GSE1: variants seen among roughly 807,000 people sequenced by gnomAD.
GSE1 encodes the protein genetic suppressor element 1.
A neutral mutation model predicts 112.6 loss-of-function variants in GSE1; 32 were observed. That is an observed-to-expected ratio of 0.28 (90% confidence interval 0.21 to 0.38). The LOEUF (loss-of-function observed/expected upper bound fraction) is 0.38, where lower values mean the gene tolerates loss of function less well. Among genes scored for constraint, GSE1 ranks in the 10% least tolerant of loss-of-function variants. The probability of loss-of-function intolerance (pLI) is 1.00; values close to 1 mark genes in which losing one functional copy is unlikely to be tolerated. For missense variants in GSE1, 2,348 were observed against 1,699.2 expected, an observed-to-expected ratio of 1.38 and a Z score of -6.71; for synonymous variants, 1,115 against 735.6, an observed-to-expected ratio of 1.52 and a Z score of -8.35.
intron 3 of GSE1, among the ~76,000 whole-genome samples, chr16:85,651,129 C>A (rs897445546): frequency 4.3e-5 from 6 of 138,584 alleles, no homozygotes; most frequent in African/African-American, 1.6e-4. Flanking sequence ...CGGCTGCAGC[C>A]GCTGCTCAGA....
chr16:85,228,479 C>A (rs1255117799), intron 1 of GSE1, among the ~76,000 whole-genome samples: 1 of 152,186 alleles, frequency 6.6e-6, no homozygotes, highest in African/African-American at 2.4e-5. Flanking sequence ...GAACCCCCAC[C>A]CTGCTGTGGG....
chr16:85,373,297 T>C lies in GSE1; in HGVS notation c.2464+15654T>C, dbSNP rs1453551849. ...CACGCGCTCTCCCTCCACCCCTTTG[T>C]CTCAAACAGCCAGGCTGTTGGGGTG... On this transcript the variant is annotated intron_variant, in intron 2 of 2. Coordinates refer to the GSE1 transcript ENST00000637419. This position sits in a 1 kb window ranked among gnomAD's most constrained non-coding sequence, Gnocchi z 5.1. 1.3e-5 allele frequency among the ~76,000 whole-genome samples: 2 copies of C among 152,236 alleles called. No homozygotes were observed. Among genetic ancestry groups the C allele is most frequent in the Non-Finnish European group, 2.9e-5 (2 of 68,036 alleles).
intron 1 of GSE1, among the ~76,000 whole-genome samples, chr16:85,214,749 A>G (rs777396292): frequency 4.0e-5 from 6 of 150,830 alleles, no homozygotes; most frequent in Non-Finnish European, 8.9e-5. Context: ...CCTCCTCTGC[A>G]TGGCCTGGTA....
chr16:85,428,751 A>G (rs931642904), intron 2 of GSE1, among the ~76,000 whole-genome samples: 2 of 150,682 alleles, frequency 1.3e-5, no homozygotes, highest in African/African-American at 4.9e-5. Context: ...TTCACCTCCC[A>G]CCCCCCATTC....
chr16:85,182,169 C>T (rs2143313878), intron 1 of GSE1, among the ~76,000 whole-genome samples: 1 of 152,320 alleles, frequency 6.6e-6, no homozygotes, highest in East Asian at 1.9e-4. Context: ...CTCCCCGCCC[C>T]CCGCTGCCAG....
intron 1 of GSE1, among the ~76,000 whole-genome samples, chr16:85,233,262 GTCT>G (rs1233035813): frequency 1.3e-5 from 2 of 152,250 alleles, no homozygotes; most frequent in Admixed American, 1.3e-4. Flanking sequence ...GCATCATTTC[GTCT>G]TCTTAATCAA....
rs368636202 is a variant in GSE1 at position 85,668,330 on chromosome 16, G to A, written c.3321G>A (p.Glu1107=). ...LDRDSEEEEE[E]DDEDGEDEEE... ...GGGACTCGGAGGAGGAGGAAGAGGAGGATGATGAAGATGGAGAAGATGAGG... is the reference window on the plus strand; with the variant it reads ...GGGACTCGGAGGAGGAGGAAGAGGAAGATGATGAAGATGGAGAAGATGAGG... The change falls in exon 14 of 16, where the codon GAG becomes GAA. Residue 1107 remains glutamate (E), a synonymous_variant. Transcript: ENST00000253458. 1.2e-6 allele frequency: 2 copies of A among 1,613,120 alleles called. No homozygotes were observed. The highest frequency in any genetic ancestry group is 1.3e-5 in the African/African-American group (1 of 74,888).
chr16:85,321,137 G>C (rs1019549962), intron 1 of GSE1, among the ~76,000 whole-genome samples: 1 of 152,206 alleles, frequency 6.6e-6, no homozygotes, highest in Admixed American at 6.5e-5. Flanking sequence ...GAAGGACAGG[G>C]ACCTTGTCTG....
upstream of GSE1, chr16:85,555,866 AC>A: frequency 1.8e-5 from 12 of 668,700 alleles, no homozygotes; most frequent in Non-Finnish European, 2.1e-5. Context: ...GAAGATCTTA[AC>A]CCCCCAATTT....
intron 2 of GSE1, among the ~76,000 whole-genome samples, chr16:85,468,918 G>C (rs957415519): frequency 1.3e-5 from 2 of 152,212 alleles, no homozygotes; most frequent in Non-Finnish European, 2.9e-5. Flanking sequence ...TTCTTTGCAG[G>C]TGTAATTAAT....
At chr16:85,457,434 G>A (rs1052402204) in intron 2 of GSE1, among the ~76,000 whole-genome samples, 5 of 152,232 alleles carry the variant, frequency 3.3e-5, no homozygotes, top group Admixed American at 1.3e-4. Flanking sequence ...CCCTGACCTG[G>A]GGCAGGGATA....
chr16:85,274,791 G>C (rs1909193067), intron 1 of GSE1, among the ~76,000 whole-genome samples: 1 of 152,236 alleles, frequency 6.6e-6, no homozygotes, highest in African/African-American at 2.4e-5. Flanking sequence ...CCTGCCCCCA[G>C]CAGCAGGTCA....
intron 1 of GSE1, chr16:85,283,432 G>C (rs555496789): frequency 8.5e-5 from 13 of 152,906 alleles, no homozygotes; most frequent in African/African-American, 3.1e-4. Flanking sequence ...CTTTGGGGCT[G>C]CACACGCACC....
At chr16:85,430,332 G>C (rs901925709) in intron 2 of GSE1, among the ~76,000 whole-genome samples, 2 of 152,176 alleles carry the variant, frequency 1.3e-5, no homozygotes, top group Non-Finnish European at 2.9e-5. Context: ...ATAATGGCCG[G>C]ACACCCAGAC....
rs1555511268 is a variant in GSE1 at position 85,434,345 on chromosome 16, A to ATCATCATCATC, written c.2464+76702_2464+76703insTCATCATCATC. Among the ~76,000 whole-genome samples the ATCATCATCATC allele has an allele frequency of 4.6e-3, 655 of 143,492 alleles. 7 individuals are homozygous for ATCATCATCATC. Among genetic ancestry groups the ATCATCATCATC allele is most frequent in the African/African-American group, 0.015 (610 of 39,390 alleles). The allele number at this position is 143,492 out of a possible 152,430, so 94.1% of individuals were successfully genotyped here. ...TAATAATAATAATAATAATAATAATAATCAGTGCCGTCCGCCTCCTGTATA... is the reference window on the plus strand; with the variant it reads ...TAATAATAATAATAATAATAATAATATCATCATCATCATCAGTGCCGTCCGCCTCCTGTATA... On this transcript the variant is annotated intron_variant, in intron 2 of 2. Transcript: ENST00000637419.
Position 85,675,084 on chromosome 16 carries a change from A to C in GSE1, c.*2545A>C, listed in dbSNP as rs2053610492. On this transcript the variant is annotated 3_prime_UTR_variant, in exon 16 of 16. Transcript: ENST00000253458. ...TTTCATACTTTGAAAACTTACTTTC[A>C]GATTATTCTCAAAGAACACAGTAGC... 6.6e-6 allele frequency: 1 copy of C among 152,296 alleles called. No homozygotes were observed. 9.4% of individuals were successfully genotyped at this position (152,296 alleles called of 1,614,324 possible).
intron 1 of GSE1, among the ~76,000 whole-genome samples, chr16:85,172,958 T>G (rs1250473644): frequency 6.6e-6 from 1 of 152,202 alleles, no homozygotes; most frequent in African/African-American, 2.4e-5. Flanking sequence ...CTACTCAGAT[T>G]TCCTTTTCTA....
intron 9 of GSE1, 68 bp from the exon 10 acceptor site, chr16:85,662,913 C>G: frequency 9.0e-7 from 1 of 1,113,472 alleles, no homozygotes; most frequent in Non-Finnish European, 1.4e-6. Context: ...CACATGAGGC[C>G]CTGCGGGCAT....
chr16:85,628,478 A>G (rs1285023973), intron 1 of GSE1, among the ~76,000 whole-genome samples: 1 of 152,096 alleles, frequency 6.6e-6, no homozygotes, highest in Non-Finnish European at 1.5e-5. Flanking sequence ...TGGGCTGGTG[A>G]TAGTGACACT....
Sources: gnomAD v4.1 joint callset for allele counts (sites outside exome capture counted in the v4.1 genomes callset) on GRCh38, gnomAD v4.1.1 for gene constraint, Gnocchi (gnomAD v3.1) non-coding constraint, MANE v1.5 for transcripts, NCBI Gene and HGNC (gene_info 2026-07-23, HGNC 2026-07-21) for gene names.